The following LRWD1 variants were observed in gnomAD, a reference collection of about 807,000 sequenced individuals.
The protein encoded by LRWD1 is leucine-rich repeat and WD repeat-containing protein 1.
LRWD1 carries 76 observed loss-of-function variants against 75.6 expected under a neutral mutation model. The ratio of observed to expected loss-of-function variants is 1.01; its 90% CI spans 0.84 to 1.22. The LOEUF (loss-of-function observed/expected upper bound fraction) is 1.22, where lower values mean the gene tolerates loss of function less well. LRWD1 is among the 50% of genes most tolerant of loss of function. The probability of loss-of-function intolerance (pLI) is 0.00; values close to 1 mark genes in which losing one functional copy is unlikely to be tolerated. For missense variants in LRWD1, 917 were observed against 862.0 expected (o/e 1.06, Z -0.80); for synonymous variants, 487 against 377.0 (o/e 1.29, Z -3.38).
chr7:102,469,700 C>G (rs373031614), intron 10 of LRWD1, 42 bp from the exon 11 acceptor site: 1 of 1,613,402 alleles, frequency 6.2e-7, no homozygotes, highest in Non-Finnish European at 8.5e-7. Flanking sequence ...AGGGACACCT[C>G]GGTCTGGGTC....
chr7:102,472,267 C>G lies in LRWD1; in HGVS notation c.1492C>G (p.Arg498Gly), dbSNP rs141553698. ...VFSEGSEASG[R>G]RVDGLAFVNE... ...CTCTGAGGGCTCCGAGGCATCTGGA[C>G]GGAGAGTGGATGGGCTGGCATTTGT... The change falls in exon 12 of 15, where the codon CGG (arginine) becomes GGG (glycine). Residue 498 changes from arginine to glycine, a missense_variant. Coordinates refer to ENST00000292616, the MANE Select transcript of LRWD1 (RefSeq NM_152892.3). The G allele has an allele frequency of 5.6e-6, 9 of 1,594,866 alleles. No homozygotes were observed. Among genetic ancestry groups the G allele is most frequent in the Non-Finnish European group, 7.7e-6 (9 of 1,169,128 alleles).
rs369787035 is a variant in LRWD1 at position 102,473,054 on chromosome 7, A to C, written c.*5A>C. 6.2e-7 allele frequency: 1 copy of C among 1,602,376 alleles called. No homozygotes were observed. Among genetic ancestry groups the C allele is most frequent in the South Asian group, 1.1e-5 (1 of 90,586 alleles). ...GCCATCTGGGGGAGGATGTAGCCTC[A>C]CACCATCGCAAAGGACCAGGGACAC... On this transcript the variant is annotated 3_prime_UTR_variant, in exon 15 of 15. Coordinates refer to ENST00000292616, the MANE Select transcript of LRWD1 (RefSeq NM_152892.3).
chr7:102,466,027 C>G lies in LRWD1; in HGVS notation c.291C>G (p.Ser97Arg). ...AGTTCCCCAAGCTCGAGGAACTCAG[C>G]CTGGAGGGCAACCCCTTCCTGACGG... Reference protein sequence around the residue: ...LCQFPKLEELSLEGNPFLTVN... With the variant: ...LCQFPKLEELRLEGNPFLTVN... The change falls in exon 2 of 15, where the codon AGC becomes AGG. Residue 97 changes from serine (S) to arginine (R), a missense_variant. Transcript: ENST00000292616. 6.2e-7 allele frequency: 1 copy of G among 1,614,054 alleles called. No homozygotes were observed. Among genetic ancestry groups the G allele is most frequent in the Non-Finnish European group, 8.5e-7 (1 of 1,180,012 alleles).
At chr7:102,470,152 CCAG>C in intron 11 of LRWD1, 1 of 429,418 alleles carries the variant, frequency 2.3e-6, no homozygotes, top group Non-Finnish European at 4.1e-6. Flanking sequence ...CCCACGTGAT[CCAG>C]CCCACTCCTG....
rs762163297 is a variant in LRWD1, at chr7:102,469,809, G to A, written c.1369G>A (p.Ala457Thr). ...CTGCCCTGTCGCCTCCTGCCCGGAC[G>A]CCCGCCTGCTGGCCGGCTGCGAGGG... ...RLCPVASCPD[A>T]RLLAGCEGGC... The change falls in exon 11 of 15, where the codon GCC becomes ACC. Residue 457 changes from alanine (A) to threonine (T), a missense_variant. Physicochemically the swap from Ala to Thr is moderately conservative, Grantham distance 58 (BLOSUM62 0). Transcript: ENST00000292616. 31 of 1,607,364 alleles carry A rather than the reference G, an allele frequency of 1.9e-5. No individual in the cohort carries two copies. Among genetic ancestry groups the A allele is most frequent in the Non-Finnish European group, 2.5e-5 (30 of 1,177,142 alleles).
chr7:102,467,171 G>GTGTGTGTGTAT (rs1554579596), intron 3 of LRWD1, among the ~76,000 whole-genome samples, 168 bp from the exon 4 acceptor site: 36,212 of 98,942 alleles, frequency 0.37, 7,989 homozygotes, highest in Non-Finnish European at 0.44. Flanking sequence ...GTGTGTGTGG[G>GTGTGTGTGTAT]GTGTGTGTGT....
chr7:102,469,632 C>T lies in LRWD1; in HGVS notation c.1287C>T (p.Tyr429=), dbSNP rs142392925. 2,340 of 1,614,192 alleles carry T rather than the reference C, an allele frequency of 1.4e-3. 5 individuals carry two copies. The highest frequency in any genetic ancestry group is 1.7e-3 in the Non-Finnish European group (2,016 of 1,180,010). The part of the protein sequence containing the change: ...LWDIGVPNQD[Y]EFQASQLLTL... Reference sequence around the variant, plus strand: ...ACATCGGGGTGCCCAACCAGGACTACGAATTCCAGGCCAGGTGATGCTTCG... The same window carrying T: ...ACATCGGGGTGCCCAACCAGGACTATGAATTCCAGGCCAGGTGATGCTTCG... Residue 429 remains tyrosine, a synonymous_variant, in exon 10 of 15, where the codon TAC becomes TAT. Coordinates refer to ENST00000292616, the MANE Select transcript of LRWD1 (RefSeq NM_152892.3).
rs757234013 is a variant in LRWD1 at position 102,472,527 on chromosome 7, G to C, written c.1608G>C (p.Gln536His). The C allele has an allele frequency of 1.3e-6, 2 of 1,577,200 alleles. No homozygotes were observed. The highest frequency in any genetic ancestry group is 2.3e-5 in the East Asian group (1 of 43,062). The change falls in exon 13 of 15, where the codon CAG (glutamine) becomes CAC (histidine). Residue 536 changes from glutamine to histidine, a missense_variant. Gln to His is a conservative substitution (Grantham distance 24, BLOSUM62 0). Coordinates refer to ENST00000292616, the MANE Select transcript of LRWD1 (RefSeq NM_152892.3). ...WRQTWGGRGS[Q>H]STVAVVVLAR... ...AGACGTGGGGGGGCCGGGGCAGCCA[G>C]TCCACGGTGGCAGTGGTGGTCCTGG...
At position 102,470,035 on chromosome 7, in the gene LRWD1, C is replaced by T. The variant is rs189314848; in HGVS notation, c.1442+153C>T. 7.3e-4 allele frequency: 727 copies of T among 1,001,200 alleles called. 1 individual carries two copies. The highest frequency in any genetic ancestry group is 9.6e-4 in the Non-Finnish European group (690 of 719,730). 62.0% of individuals were successfully genotyped at this position (1,001,200 alleles called of 1,614,324 possible). On this transcript the variant is annotated intron_variant, in intron 11 of 14. Coordinates refer to ENST00000292616, the MANE Select transcript of LRWD1 (RefSeq NM_152892.3). ...AGAGCTGGCTTGTCCCACCTTTCTG[C>T]CAGGCTCTGGAGGAAAGGACTCTGA... is the stretch of plus-strand genomic sequence containing the variant.
chr7:102,468,385 G>C lies in LRWD1; in HGVS notation c.919+8G>C. The C allele has an allele frequency of 1.3e-6, 2 of 1,597,562 alleles. No homozygotes were observed. The highest frequency in any genetic ancestry group is 1.7e-6 in the Non-Finnish European group (2 of 1,172,632). On this transcript the variant is annotated splice_region_variant and intron_variant, in intron 7 of 14. Transcript: ENST00000292616. ...AGCCGGCCTGGGAGGAGGGTACATG[G>C]TGGCGGGCAGGCGGGGCAAGGGCCG...
At chr7:102,469,229 C>G (rs1359512441) in intron 9 of LRWD1, among the ~76,000 whole-genome samples, 167 bp downstream of exon 9, 1 of 152,224 alleles carries the variant, frequency 6.6e-6, no homozygotes, top group African/African-American at 2.4e-5. Context: ...CGCTTCAACC[C>G]TGGCTTTATC....
chr7:102,468,126 C>T lies in LRWD1; in HGVS notation c.743C>T (p.Ala248Val), dbSNP rs937924960. The change falls in exon 6 of 15, where the codon GCG (alanine) becomes GTG (valine). Residue 248 changes from alanine (A) to valine (V), a missense_variant. By Grantham distance (64) the Ala-to-Val change is moderately conservative. Coordinates refer to ENST00000292616, the MANE Select transcript of LRWD1 (RefSeq NM_152892.3). ...VPLSLSPSKRACASPSAQVEG... is the reference protein window; with the variant it reads ...VPLSLSPSKRVCASPSAQVEG... ...CTCAGCCTCTCTCCCAGCAAGCGGG[C>T]GTGTGCCTCCCCGTCGGCCCAGGTG... is the stretch of plus-strand genomic sequence containing the variant. 13 of 1,609,454 alleles carry T rather than the reference C, an allele frequency of 8.1e-6. No individual in the cohort carries two copies. In the South Asian group the frequency reaches 1.0e-4, roughly 12 times the overall value.
Position 102,467,432 on chromosome 7 carries a change from G to A in LRWD1, c.526G>A (p.Asp176Asn). 1.2e-6 allele frequency: 2 copies of A among 1,613,820 alleles called. No homozygotes were observed. The highest frequency in any genetic ancestry group is 1.7e-6 in the Non-Finnish European group (2 of 1,179,962). The change falls in exon 4 of 15, where the codon GAT becomes AAT. Residue 176 changes from aspartate (D) to asparagine (N), a missense_variant. Transcript: ENST00000292616. The part of the protein sequence containing the change: ...QADFVKSAVR[D>N]VRYGPESLSE... Reference sequence around the variant, plus strand: ...GGACTTTGTGAAGTCGGCTGTCAGGGATGTCCGCTACGGGCCCGAGTCCCT... The same window carrying A: ...GGACTTTGTGAAGTCGGCTGTCAGGAATGTCCGCTACGGGCCCGAGTCCCT...
chr7:102,466,310 G>C, intron 3 of LRWD1, 40 bp downstream of exon 3: 2 of 1,497,390 alleles, frequency 1.3e-6, no homozygotes, highest in Non-Finnish European at 1.9e-6. Flanking sequence ...TAGGAGCTGT[G>C]GGGGCATTGG....
Position 102,473,151 on chromosome 7 carries a change from C to A in LRWD1, c.*102C>A. On this transcript the variant is annotated 3_prime_UTR_variant, in exon 15 of 15. Coordinates refer to ENST00000292616, the MANE Select transcript of LRWD1 (RefSeq NM_152892.3). ...TCTTTCAGTGAATATTTTTATTAAA[C>A]TCTACTGTGGACAAGAAGCCTGTGG... is the stretch of plus-strand genomic sequence containing the variant. 1 of 1,321,966 alleles carries A rather than the reference C, an allele frequency of 7.6e-7. No individual in the cohort carries two copies. The highest frequency in any genetic ancestry group is 1.0e-6 in the Non-Finnish European group (1 of 965,218). The allele number at this position is 1,321,966 out of a possible 1,614,324, so 81.9% of individuals were successfully genotyped here. A position where few individuals can be genotyped will look rare whatever the true frequency, so the allele number is the denominator to read the frequency against.
chr7:102,469,627 G>T lies in LRWD1; in HGVS notation c.1282G>T (p.Asp428Tyr). The T allele has an allele frequency of 6.2e-7, 1 of 1,614,204 alleles. No homozygotes were observed. Among genetic ancestry groups the T allele is most frequent in the Non-Finnish European group, 8.5e-7 (1 of 1,180,016 alleles). Residue 428 changes from aspartate to tyrosine, a missense_variant, in exon 10 of 15, where the codon GAC (aspartate) becomes TAC (tyrosine). By Grantham distance (160) the Asp-to-Tyr change is radical. Coordinates refer to ENST00000292616, the MANE Select transcript of LRWD1 (RefSeq NM_152892.3). ...CTGGGACATCGGGGTGCCCAACCAG[G>T]ACTACGAATTCCAGGCCAGGTGATG... is the stretch of plus-strand genomic sequence containing the variant. ...ILWDIGVPNQ[D>Y]YEFQASQLLT...
chr7:102,472,963 G>A lies in LRWD1; in HGVS notation c.1858G>A (p.Val620Met). The A allele has an allele frequency of 6.2e-7, 1 of 1,614,124 alleles. No homozygotes were observed. The highest frequency in any genetic ancestry group is 8.5e-7 in the Non-Finnish European group (1 of 1,180,010). The change falls in exon 15 of 15, where the codon GTG (valine) becomes ATG (methionine). Residue 620 changes from valine (V) to methionine (M), a missense_variant. Val to Met is a conservative substitution (Grantham distance 21). Coordinates refer to ENST00000292616, the MANE Select transcript of LRWD1 (RefSeq NM_152892.3). ...TGGCCAGGTGGTGACCAAGACCATG[G>A]TGAACACAGTGGTGGCCAATGCCTC... ...ALGQVVTKTMVNTVVANASFT... is the reference protein window; with the variant it reads ...ALGQVVTKTMMNTVVANASFT...
chr7:102,471,869 A>T (rs952629382), intron 11 of LRWD1: 3 of 263,976 alleles, frequency 1.1e-5, no homozygotes, highest in Non-Finnish European at 2.2e-5. Flanking sequence ...TGGCCTGGAA[A>T]CACCTGCTCT....
At chr7:102,465,791 C>A in intron 1 of LRWD1, 26 bp from the exon 2 acceptor site, 1 of 1,591,150 alleles carries the variant, frequency 6.3e-7, no homozygotes, top group Non-Finnish European at 8.6e-7. Context: ...CTGCCCGCCC[C>A]CTAAGCCTTC....
Sources: gnomAD v4.1 joint callset for allele counts (sites outside exome capture counted in the v4.1 genomes callset) on GRCh38, gnomAD v4.1.1 for gene constraint, MANE v1.5 for transcripts, NCBI Gene and HGNC (gene_info 2026-07-23, HGNC 2026-07-21) for gene names.